Variants in HAT1 observed in about 807,000 individuals in gnomAD.
HAT1 encodes the protein histone acetyltransferase type B catalytic subunit.
Under a neutral mutation model 56.6 loss-of-function variants are expected in HAT1, and 20 were observed. That is an observed-to-expected ratio of 0.35 (90% confidence interval 0.25 to 0.51). HAT1 has a LOEUF of 0.51. Ranked by LOEUF, HAT1 falls within the 20% of genes least tolerant of loss-of-function variation. HAT1 has a pLI of 0.95. For missense variants in HAT1, 408 were observed against 504.3 expected, an observed-to-expected ratio of 0.81 and a Z score of 1.83; for synonymous variants, 146 against 165.5, an observed-to-expected ratio of 0.88 and a Z score of 0.91.
chr2:171,930,700 G>C (rs1326485370), intron 2 of HAT1, among the ~76,000 whole-genome samples: 1 of 151,992 alleles, frequency 6.6e-6, no homozygotes, highest in Non-Finnish European at 1.5e-5. Flanking sequence ...CTATAGCCTT[G>C]ACTTCCCAGG....
rs776823940 is a variant in HAT1, at chr2:171,946,792, C to T, written c.188+9C>T. 3.9e-6 allele frequency: 5 copies of T among 1,288,248 alleles called. No homozygotes were observed. Among genetic ancestry groups the T allele is most frequent in the African/African-American group, 1.5e-5 (1 of 66,828 alleles). The allele number at this position is 1,288,248 out of a possible 1,614,324, so 79.8% of individuals were successfully genotyped here. On this transcript the variant is annotated intron_variant, in intron 3 of 10. Transcript: ENST00000264108. ...CAACTCTTTGGGGATGAGTAAGTAA[C>T]TTAGTAAAATATTTGTCAAATTAGT...
intron 2 of HAT1, among the ~76,000 whole-genome samples, chr2:171,939,521 G>A (rs758992910): frequency 3.3e-5 from 5 of 152,174 alleles, no homozygotes; most frequent in Non-Finnish European, 7.3e-5. Flanking sequence ...AGAAATCTCT[G>A]GAGCGGCTGT....
Position 171,922,465 on chromosome 2 carries a change from C to T in HAT1, c.-36C>T, listed in dbSNP as rs375805459. ...CGGCCCGGGAGCGCGCGGGTTGATT[C>T]GTCCTTCCTCAGCCGCGGGTGATCG... is the stretch of plus-strand genomic sequence containing the variant. On this transcript the variant is annotated 5_prime_UTR_variant, in exon 1 of 11. Transcript: ENST00000264108. 8.3e-6 allele frequency: 11 copies of T among 1,317,536 alleles called. No homozygotes were observed. Among genetic ancestry groups the T allele is most frequent in the Non-Finnish European group, 1.1e-5 (11 of 1,023,880 alleles). 81.6% of individuals were successfully genotyped at this position (1,317,536 alleles called of 1,614,324 possible).
At chr2:171,965,715 A>G in intron 5 of HAT1, 72 bp from the exon 6 acceptor site, 1 of 1,445,584 alleles carries the variant, frequency 6.9e-7, no homozygotes, top group South Asian at 1.2e-5. Flanking sequence ...CCACAGGATA[A>G]TTTTGTGTTC....
chr2:171,956,038 CTG>C (rs1203506565), intron 4 of HAT1, among the ~76,000 whole-genome samples: 1 of 150,816 alleles, frequency 6.6e-6, no homozygotes, highest in African/African-American at 2.4e-5. Flanking sequence ...GAGCGAGACT[CTG>C]TCTCAAAAAA....
At chr2:171,967,045 C>A in intron 8 of HAT1, 96 bp downstream of exon 8, 1 of 633,244 alleles carries the variant, frequency 1.6e-6, no homozygotes, top group South Asian at 2.0e-5. Context: ...TTTTAAACAG[C>A]AACATTTTCC....
intron 2 of HAT1, among the ~76,000 whole-genome samples, chr2:171,934,491 T>C (rs911291049): frequency 6.6e-6 from 1 of 152,184 alleles, no homozygotes; most frequent in African/African-American, 2.4e-5. Flanking sequence ...CAGTTTCTTT[T>C]CTGAATGCTT....
At chr2:171,951,808 C>G (rs1430932522) in intron 3 of HAT1, among the ~76,000 whole-genome samples, 1 of 152,070 alleles carries the variant, frequency 6.6e-6, no homozygotes, top group African/African-American at 2.4e-5. Context: ...TTGTATACCA[C>G]TCTTCTAAGA....
At chr2:171,962,691 G>A (rs751289121) in intron 4 of HAT1, among the ~76,000 whole-genome samples, 25 of 152,186 alleles carry the variant, frequency 1.6e-4, no homozygotes, top group Non-Finnish European at 3.7e-4. Context: ...ACCATGCCCA[G>A]CCTGGTGTCT....
chr2:171,944,128 A>G (rs1687097981), intron 2 of HAT1, among the ~76,000 whole-genome samples: 2 of 147,400 alleles, frequency 1.4e-5, no homozygotes, highest in African/African-American at 4.9e-5. Flanking sequence ...CCTGGGTGAC[A>G]ATGAAACCCT....
intron 10 of HAT1, chr2:171,980,180 T>C: frequency 6.6e-6 from 1 of 152,222 alleles, no homozygotes. Context: ...TTCATTTGTA[T>C]GCATCTTTAA....
intron 9 of HAT1, among the ~76,000 whole-genome samples, chr2:171,977,549 ATATATATATTT>A (rs1215539704): frequency 1.4e-4 from 2 of 14,134 alleles, no homozygotes; most frequent in African/African-American, 6.3e-4. Context: ...ATATATATAT[ATATATATATTT>A]TTTTTTTTTT....
intron 8 of HAT1, among the ~76,000 whole-genome samples, chr2:171,971,128 G>A (rs1350159117): frequency 6.6e-6 from 1 of 152,112 alleles, no homozygotes; most frequent in African/African-American, 2.4e-5. Context: ...TAAACCCAGA[G>A]GTGGAGCTTG....
intron 4 of HAT1, among the ~76,000 whole-genome samples, chr2:171,954,941 G>A (rs1433023279): frequency 6.6e-6 from 1 of 152,202 alleles, no homozygotes. Context: ...TGACCACAGA[G>A]GCAGATGTGA....
chr2:171,969,703 A>G (rs1479831511), intron 8 of HAT1, among the ~76,000 whole-genome samples: 2 of 152,242 alleles, frequency 1.3e-5, no homozygotes, highest in Non-Finnish European at 2.9e-5. Flanking sequence ...ATTATCAGTC[A>G]TAATGGCTTA....
Position 171,965,473 on chromosome 2 carries a change from C to T in HAT1, c.445C>T (p.Leu149Phe). The T allele has an allele frequency of 6.2e-7, 1 of 1,606,276 alleles. No homozygotes were observed. The highest frequency in any genetic ancestry group is 8.5e-7 in the Non-Finnish European group (1 of 1,174,934). The change falls in exon 5 of 11, where the codon CTC becomes TTC. Residue 149 changes from leucine to phenylalanine, a missense_variant. Transcript: ENST00000264108. ...AACCTTACTTCATACCTACTCAGTT[C>T]TCAGTCCAACAGGAGGAGAAAACTT... is the stretch of plus-strand genomic sequence containing the variant. ...FGTLLHTYSV[L>F]SPTGGENFTF...
At chr2:171,983,040 A>T (rs1688171094) in intron 10 of HAT1, 145 bp from the exon 11 acceptor site, 1 of 515,762 alleles carries the variant, frequency 1.9e-6, no homozygotes, top group Admixed American at 3.7e-5. Context: ...CTTAAAAAAC[A>T]AAACAAAACA....
chr2:171,960,640 G>T (rs897877439), intron 4 of HAT1, among the ~76,000 whole-genome samples: 3 of 152,078 alleles, frequency 2.0e-5, no homozygotes, highest in Admixed American at 1.3e-4. Flanking sequence ...ATCTTTAAAG[G>T]AAACATAATT....
At chr2:171,955,774 T>C (rs1687424200) in intron 4 of HAT1, among the ~76,000 whole-genome samples, 1 of 151,402 alleles carries the variant, frequency 6.6e-6, no homozygotes, top group African/African-American at 2.4e-5. Context: ...GCTGGATGCG[T>C]TGGCTCATGC....
Sources: gnomAD v4.1 joint callset for allele counts (sites outside exome capture counted in the v4.1 genomes callset) on GRCh38, gnomAD v4.1.1 for gene constraint, MANE v1.5 for transcripts, NCBI Gene and HGNC (gene_info 2026-07-23, HGNC 2026-07-21) for gene names.